GRB10: variants seen among roughly 807,000 people sequenced by gnomAD.
The protein encoded by GRB10 is growth factor receptor bound protein 10, also known as growth factor receptor-bound protein 10.
Under a neutral mutation model 80.9 loss-of-function variants are expected in GRB10, and 20 were observed. The observed-to-expected ratio is 0.25, with a 90% CI of 0.17 to 0.36. The LOEUF is 0.36. Among genes scored for constraint, GRB10 ranks in the 10% least tolerant of loss-of-function variants. The pLI is 1.00. For missense variants in GRB10, 548 were observed against 747.7 expected (o/e 0.73, Z 3.12); for synonymous variants, 291 against 291.5 (o/e 1.00, Z 0.02).
At chr7:50,759,192 C>A (rs1382863390) in intron 2 of GRB10, among the ~76,000 whole-genome samples, 282 of 113,394 alleles carry the variant, frequency 2.5e-3, no homozygotes, top group South Asian at 4.0e-3. Context: ...GACTCTGCCT[C>A]AAAAAAAAAA....
intron 3 of GRB10, among the ~76,000 whole-genome samples, chr7:50,742,021 A>C (rs975273868): frequency 5.3e-5 from 8 of 151,992 alleles, no homozygotes; most frequent in South Asian, 2.1e-4. Context: ...AAAAAAAAAA[A>C]CCCAAATCAG....
chr7:50,712,474 C>A (rs2066043587), intron 4 of GRB10, among the ~76,000 whole-genome samples: 1 of 152,172 alleles, frequency 6.6e-6, no homozygotes, highest in African/African-American at 2.4e-5. Context: ...GCTGCTGAGG[C>A]CAACATGAAA....
At chr7:50,728,270 A>AAATAATAAT (rs568521216) in intron 4 of GRB10, among the ~76,000 whole-genome samples, 32 of 152,008 alleles carry the variant, frequency 2.1e-4, no homozygotes, top group African/African-American at 6.8e-4. Flanking sequence ...CTTTCACTAA[A>AAATAATAAT]AATAATAATA....
At chr7:50,624,871 C>CTT (rs34475056) in intron 8 of GRB10, among the ~76,000 whole-genome samples, 3 of 147,800 alleles carry the variant, frequency 2.0e-5, no homozygotes, top group African/African-American at 5.0e-5. Flanking sequence ...AAATATTCCT[C>CTT]TTTTTTTTTT....
chr7:50,719,210 A>G (rs950547756), intron 4 of GRB10, among the ~76,000 whole-genome samples: 1 of 152,230 alleles, frequency 6.6e-6, no homozygotes, highest in Non-Finnish European at 1.5e-5. Context: ...ACAGAACACA[A>G]GGGAAGGCCT....
intron 5 of GRB10, among the ~76,000 whole-genome samples, chr7:50,675,516 A>C (rs2060834168): frequency 6.6e-6 from 1 of 152,226 alleles, no homozygotes; most frequent in Admixed American, 6.5e-5. Flanking sequence ...CTTTGAGTAA[A>C]GCAGATTGTT....
chr7:50,775,136 G>A (rs1219105469), intron 2 of GRB10, among the ~76,000 whole-genome samples: 1 of 101,640 alleles, frequency 9.8e-6, no homozygotes, highest in African/African-American at 3.6e-5. Context: ...ACTCCAGCCT[G>A]AATGACACAG....
intron 7 of GRB10, among the ~76,000 whole-genome samples, chr7:50,644,142 G>A (rs376067281): frequency 3.3e-5 from 5 of 152,164 alleles, no homozygotes; most frequent in Admixed American, 6.5e-5. Context: ...TCACTATCCC[G>A]GATATTTATG....
intron 9 of GRB10, among the ~76,000 whole-genome samples, chr7:50,618,765 G>C (rs2715142): frequency 0.013 from 1,996 of 152,330 alleles, 43 homozygotes; most frequent in African/African-American, 0.045. Context: ...CAATCGCACT[G>C]ATTTCTCTAG....
At chr7:50,628,601 G>C (rs910185490) in intron 7 of GRB10, among the ~76,000 whole-genome samples, 2 of 152,044 alleles carry the variant, frequency 1.3e-5, no homozygotes, top group Non-Finnish European at 2.9e-5. Context: ...GGCTCAGCGA[G>C]AGCGGAAGAG....
intron 4 of GRB10, among the ~76,000 whole-genome samples, chr7:50,731,213 T>C (rs1216262241): frequency 3.3e-5 from 5 of 151,904 alleles, no homozygotes; most frequent in Admixed American, 3.3e-4. Flanking sequence ...TTCTGGCTTG[T>C]AACCAATTTT....
chr7:50,649,304 T>C (rs1237067540), intron 7 of GRB10, among the ~76,000 whole-genome samples: 3 of 152,184 alleles, frequency 2.0e-5, no homozygotes, highest in Admixed American at 1.3e-4. Flanking sequence ...GGCACTGCCT[T>C]TTCCAAAGAA....
chr7:50,712,663 C>T (rs545217691), intron 4 of GRB10, among the ~76,000 whole-genome samples: 15 of 152,368 alleles, frequency 9.8e-5, no homozygotes, highest in South Asian at 6.2e-4. Context: ...CTTATTTCCA[C>T]ATAACTACCT....
intron 7 of GRB10, among the ~76,000 whole-genome samples, chr7:50,641,158 T>C (rs2056156941): frequency 1.7e-5 from 1 of 59,262 alleles, no homozygotes; most frequent in South Asian, 3.9e-4. Flanking sequence ...TCTTCCTCAC[T>C]CTTGCTTGCT....
chr7:50,613,492 A>G (rs908291730), intron 12 of GRB10, among the ~76,000 whole-genome samples: 8 of 152,142 alleles, frequency 5.3e-5, no homozygotes, highest in Non-Finnish European at 1.0e-4. Context: ...GAATTGTTGC[A>G]GGCATAAACT....
chr7:50,651,417 T>A (rs747516915), intron 7 of GRB10, among the ~76,000 whole-genome samples: 5 of 152,246 alleles, frequency 3.3e-5, no homozygotes, highest in Non-Finnish European at 2.9e-5. Flanking sequence ...TTTATCTTTA[T>A]GTGGCATTCT....
At chr7:50,760,538 C>T (rs1009315464) in intron 2 of GRB10, among the ~76,000 whole-genome samples, 16 of 151,812 alleles carry the variant, frequency 1.1e-4, no homozygotes, top group Non-Finnish European at 2.2e-4. Context: ...TGGAATAATC[C>T]TAAAACTAAC....
At chr7:50,675,391 T>C (rs1031534765) in intron 5 of GRB10, among the ~76,000 whole-genome samples, 1 of 152,126 alleles carries the variant, frequency 6.6e-6, no homozygotes, top group African/African-American at 2.4e-5. Flanking sequence ...GCAGAGACAG[T>C]GATGGTTGGT....
chr7:50,755,277 G>A (rs2074891213), intron 3 of GRB10, among the ~76,000 whole-genome samples: 1 of 152,090 alleles, frequency 6.6e-6, no homozygotes, highest in African/African-American at 2.4e-5. Context: ...CCACACCCAG[G>A]GCCAACCAGG....
Sources: allele counts gnomAD v4.1 joint callset (sites outside exome capture counted in the v4.1 genomes callset), GRCh38; gene constraint gnomAD v4.1.1; transcripts MANE v1.5; gene names NCBI Gene and HGNC (gene_info 2026-07-23, HGNC 2026-07-21).